Variants in C4BPA observed in about 807,000 individuals in gnomAD.
The protein encoded by C4BPA is complement component 4 binding protein alpha.
In C4BPA, 31 loss-of-function variants were observed where a neutral mutation model predicts 63.7. That is an observed-to-expected ratio of 0.49 (90% CI 0.37 to 0.66). The LOEUF (loss-of-function observed/expected upper bound fraction) is 0.66, where lower values mean the gene tolerates loss of function less well. Among genes scored for constraint, C4BPA ranks in the 30% least tolerant of loss-of-function variants. The probability of loss-of-function intolerance (pLI) is 0.00; values close to 1 mark genes in which losing one functional copy is unlikely to be tolerated. For synonymous variants in C4BPA, 259 were observed against 254.7 expected (o/e 1.02, Z -0.16); for missense variants, 572 against 723.3 (o/e 0.79, Z 2.40).
In C4BPA at chr1:207,131,743, G is replaced by T; in HGVS notation, c.1084+3G>T. The T allele has an allele frequency of 6.2e-7, 1 of 1,600,736 alleles. No homozygotes were observed. Among genetic ancestry groups the T allele is most frequent in the Non-Finnish European group, 8.5e-7 (1 of 1,173,660 alleles). ...GACCCCATACCAAGGATGTGAGGGT[G>T]AGTTTTTGTTTTTTAATATTTTTGT... is the stretch of plus-strand genomic sequence containing the variant. On this transcript the variant is annotated splice_donor_region_variant and intron_variant, in intron 8 of 11. Coordinates refer to ENST00000367070, the MANE Select transcript of C4BPA (RefSeq NM_000715.4).
chr1:207,126,257 T>A (rs1685041933), intron 6 of C4BPA, among the ~76,000 whole-genome samples: 1 of 148,080 alleles, frequency 6.8e-6, no homozygotes, highest in Non-Finnish European at 1.5e-5. Flanking sequence ...CATATGTGTA[T>A]ATATAAATAT....
chr1:207,132,242 G>A (rs1436062542), intron 8 of C4BPA, among the ~76,000 whole-genome samples: 1 of 152,178 alleles, frequency 6.6e-6, no homozygotes, highest in African/African-American at 2.4e-5. Flanking sequence ...TCGTGACTGA[G>A]CATTCTCACT....
chr1:207,142,334 G>A (rs1313176130), intron 10 of C4BPA, among the ~76,000 whole-genome samples: 1 of 152,164 alleles, frequency 6.6e-6, no homozygotes, highest in Non-Finnish European at 1.5e-5. Context: ...GGACATTTGG[G>A]TTGGTTCCAA....
Position 207,124,297 on chromosome 1 carries a change from G to A in C4BPA, c.637G>A (p.Ala213Thr). 6.2e-7 allele frequency: 1 copy of A among 1,613,870 alleles called. No homozygotes were observed. The highest frequency in any genetic ancestry group is 1.1e-5 in the South Asian group (1 of 91,074). Residue 213 changes from alanine (A) to threonine (T), a missense_variant, in exon 6 of 12, where the codon GCC becomes ACC. By Grantham distance (58) the Ala-to-Thr change is moderately conservative. Transcript: ENST00000367070. ...CDPRFSLLGH[A>T]SISCTVENET... ...CCCCCGCTTCTCACTCTTGGGCCATGCCTCCATTTCTTGCACTGTGGAGAA... is the reference window on the plus strand; with the variant it reads ...CCCCCGCTTCTCACTCTTGGGCCATACCTCCATTTCTTGCACTGTGGAGAA...
chr1:207,126,031 C>T (rs1043881470), intron 6 of C4BPA, among the ~76,000 whole-genome samples: 2 of 151,992 alleles, frequency 1.3e-5, no homozygotes, highest in African/African-American at 4.8e-5. Flanking sequence ...TTACCATGGG[C>T]CACGGACCCA....
At chr1:207,142,958 G>A (rs1021490128) in intron 10 of C4BPA, among the ~76,000 whole-genome samples, 1 of 151,898 alleles carries the variant, frequency 6.6e-6, no homozygotes, top group Admixed American at 6.6e-5. Flanking sequence ...ACTAAAATAC[G>A]ATTTGACCCA....
Position 207,131,633 on chromosome 1 carries a change from CTG to C in C4BPA, c.981_982del (p.Leu328LysfsTer14), listed in dbSNP as rs1432957259. ...AAAGAGGATGTGTATGTTGTTGGGA[CTG>C]TGTTAAGGTACCGCTGTCATCCTGG... On this transcript the variant is annotated frameshift_variant, in exon 8 of 12. Coordinates refer to ENST00000367070, the MANE Select transcript of C4BPA (RefSeq NM_000715.4). LOFTEE classifies it high-confidence loss of function. 1.2e-6 allele frequency: 2 copies of C among 1,613,308 alleles called. No homozygotes were observed. The highest frequency in any genetic ancestry group is 1.7e-6 in the Non-Finnish European group (2 of 1,179,444).
At position 207,141,262 on chromosome 1, in the gene C4BPA, C is replaced by G. The variant is rs1345183431; in HGVS notation, c.1430C>G (p.Ala477Gly). The stretch of plus-strand genomic sequence containing the variant: ...AGTTATTCACACTGGTCAGCTCCAG[C>G]CCCTCAATGTAAAGGTAACTCCAGC... ...SCSYSHWSAP[A>G]PQCKALCRKP... Residue 477 changes from alanine to glycine, a missense_variant, in exon 10 of 12, where the codon GCC becomes GGC. By Grantham distance (60) the Ala-to-Gly change is moderately conservative. Transcript: ENST00000367070. 1.2e-6 allele frequency: 2 copies of G among 1,612,720 alleles called. No homozygotes were observed. The highest frequency in any genetic ancestry group is 1.7e-5 in the Admixed American group (1 of 59,942).
rs1231547841 is a variant in C4BPA, at chr1:207,115,503, G to A, written c.416G>A (p.Ser139Asn). ...TCTTTTGGATCACAAATAGAATTCA[G>A]CTGTTCAGAAGGGTGAGTGTGAGGT... ...DLSFGSQIEFSCSEGFFLIGS... is the reference protein window; with the variant it reads ...DLSFGSQIEFNCSEGFFLIGS... The change falls in exon 4 of 12, where the codon AGC becomes AAC. Residue 139 changes from serine to asparagine, a missense_variant. This residue lies in a region of C4BPA where 465 missense variants were observed against 629.4 expected (regional missense o/e 0.74). Transcript: ENST00000367070. 1 of 1,580,748 alleles carries A rather than the reference G, an allele frequency of 6.3e-7. No individual in the cohort carries two copies. Among genetic ancestry groups the A allele is most frequent in the East Asian group, 2.3e-5 (1 of 43,592 alleles).
intron 7 of C4BPA, chr1:207,127,405 C>A (rs181393477): frequency 6.6e-6 from 1 of 152,306 alleles, no homozygotes; most frequent in East Asian, 1.9e-4. Context: ...TAACTTGGCA[C>A]TAGACTAGGT....
chr1:207,108,562 T>C (rs1313957569), intron 1 of C4BPA, among the ~76,000 whole-genome samples: 1 of 152,164 alleles, frequency 6.6e-6, no homozygotes, highest in Non-Finnish European at 1.5e-5. Flanking sequence ...TTTAACTAGT[T>C]AGCAACCAGA....
intron 9 of C4BPA, among the ~76,000 whole-genome samples, chr1:207,136,544 T>C (rs1321192759): frequency 6.6e-6 from 1 of 152,162 alleles, no homozygotes; most frequent in Non-Finnish European, 1.5e-5. Context: ...ATTTAGCCTA[T>C]CCTTAGGCCA....
chr1:207,132,707 A>G (rs1685188699), intron 8 of C4BPA, among the ~76,000 whole-genome samples: 1 of 152,200 alleles, frequency 6.6e-6, no homozygotes, highest in South Asian at 2.1e-4. Context: ...TATTGCTTAT[A>G]AATGTTTAAA....
chr1:207,144,335 G>A (rs1388317093), intron 11 of C4BPA, among the ~76,000 whole-genome samples: 1 of 152,084 alleles, frequency 6.6e-6, no homozygotes, highest in African/African-American at 2.4e-5. Context: ...TTACCATGGG[G>A]GCCTTCTGGA....
chr1:207,113,513 T>C (rs1219687683), intron 2 of C4BPA, among the ~76,000 whole-genome samples: 1 of 152,186 alleles, frequency 6.6e-6, no homozygotes. Context: ...TAAATCAGCC[T>C]GGTACTTAAT....
chr1:207,112,759 C>T (rs1315888749), intron 1 of C4BPA: 4 of 410,102 alleles, frequency 9.8e-6, no homozygotes, highest in African/African-American at 8.4e-5. Context: ...CAGATGCAGT[C>T]TCCTCTGCAA....
chr1:207,121,231 A>G (rs922112300), intron 4 of C4BPA, among the ~76,000 whole-genome samples: 11 of 152,194 alleles, frequency 7.2e-5, no homozygotes, highest in Non-Finnish European at 1.6e-4. Flanking sequence ...ATTATAAAAT[A>G]ATTTAATGAT....
intron 4 of C4BPA, among the ~76,000 whole-genome samples, chr1:207,118,244 T>TATCTATCTATCTATCTATC (rs1206619862): frequency 6.6e-6 from 1 of 151,436 alleles, no homozygotes; most frequent in Non-Finnish European, 1.5e-5. Context: ...TCTATCTATC[T>TATCTATCTATCTATCTATC]ATCATCTATC....
chr1:207,128,743 A>G (rs1191925721), intron 7 of C4BPA, among the ~76,000 whole-genome samples: 1 of 152,246 alleles, frequency 6.6e-6, no homozygotes, highest in East Asian at 1.9e-4. Flanking sequence ...TAACTGAACT[A>G]GTCCAATTAT....
Sources: allele counts gnomAD v4.1 joint callset (sites outside exome capture counted in the v4.1 genomes callset), GRCh38; gene constraint gnomAD v4.1.1; regional missense constraint gnomAD v4.1.1; transcripts MANE v1.5; gene names NCBI Gene and HGNC (gene_info 2026-07-23, HGNC 2026-07-21).